FHIT: variants seen among roughly 807,000 people sequenced by gnomAD.
FHIT encodes bis(5'-adenosyl)-triphosphatase.
FHIT carries 19 observed loss-of-function variants against 17.9 expected under a neutral mutation model. The ratio of observed to expected loss-of-function variants is 1.06; its 90% CI spans 0.74 to 1.56. The LOEUF is 1.56. Among genes scored for constraint, FHIT ranks in the 40% most tolerant of loss-of-function variants. FHIT has a pLI of 0.00. For missense variants in FHIT, 248 were observed against 189.2 expected, an observed-to-expected ratio of 1.31 and a Z score of -1.82; for synonymous variants, 81 against 69.7, an observed-to-expected ratio of 1.16 and a Z score of -0.81.
At chr3:60,683,545 C>G (rs1292925898) in intron 4 of FHIT, among the ~76,000 whole-genome samples, 4 of 151,886 alleles carry the variant, frequency 2.6e-5, no homozygotes, top group African/African-American at 4.8e-5. Flanking sequence ...TTTTATAATG[C>G]TATTGCATAC....
intron 5 of FHIT, among the ~76,000 whole-genome samples, chr3:60,301,791 G>T (rs1398127087): frequency 6.6e-6 from 1 of 152,146 alleles, no homozygotes; most frequent in African/African-American, 2.4e-5. Context: ...GGACTACAGA[G>T]TAGGGAGCAG....
intron 3 of FHIT, among the ~76,000 whole-genome samples, chr3:61,018,335 G>A (rs1169747934): frequency 6.6e-6 from 1 of 152,176 alleles, no homozygotes; most frequent in Non-Finnish European, 1.5e-5. Context: ...AAAGATGAAG[G>A]AGAATTCTAG....
chr3:60,106,898 T>C (rs1576113266), intron 5 of FHIT, among the ~76,000 whole-genome samples: 1 of 152,162 alleles, frequency 6.6e-6, no homozygotes, highest in Non-Finnish European at 1.5e-5. Flanking sequence ...TAATTTGGCA[T>C]CCCTTAGAAA....
chr3:60,122,479 A>T (rs1029822456), intron 5 of FHIT, among the ~76,000 whole-genome samples: 2 of 152,164 alleles, frequency 1.3e-5, no homozygotes, highest in African/African-American at 4.8e-5. Context: ...ACGTCTTGGA[A>T]CTCGAACAGG....
intron 7 of FHIT, among the ~76,000 whole-genome samples, chr3:59,940,095 C>G (rs1575732838): frequency 6.6e-6 from 1 of 152,138 alleles, no homozygotes; most frequent in Admixed American, 6.5e-5. Flanking sequence ...ATAGTCAACA[C>G]CTCAGAGCTT....
intron 5 of FHIT, among the ~76,000 whole-genome samples, chr3:60,405,116 A>T (rs1213010331): frequency 1.3e-5 from 2 of 152,188 alleles, no homozygotes. Flanking sequence ...GTGGAACCCC[A>T]CTTCCAAGCC....
chr3:60,768,033 G>A (rs782713460), intron 4 of FHIT, among the ~76,000 whole-genome samples: 3 of 152,146 alleles, frequency 2.0e-5, no homozygotes, highest in Non-Finnish European at 2.9e-5. Context: ...AAAAAATAAA[G>A]CCTACTTTAC....
In FHIT at chr3:60,957,449, C is replaced by T. The variant is rs566731498; in HGVS notation, c.-111+84598G>A. 3.1e-3 allele frequency among the ~76,000 whole-genome samples: 467 copies of T among 152,068 alleles called. 3 individuals are homozygous for T. The highest frequency in any genetic ancestry group is 0.011 in the African/African-American group (445 of 41,516). On this transcript the variant is annotated intron_variant, in intron 3 of 9. Coordinates refer to ENST00000492590, the MANE Select transcript of FHIT (RefSeq NM_002012.4). Reference sequence around the variant, plus strand: ...AGATGGGGTTTCACCGTGTTAGCCACGATGGTCTTGATCTCCTGACCTTGT... The same window carrying T: ...AGATGGGGTTTCACCGTGTTAGCCATGATGGTCTTGATCTCCTGACCTTGT...
intron 5 of FHIT, among the ~76,000 whole-genome samples, chr3:60,408,690 A>G (rs375066208): frequency 9.5e-4 from 144 of 152,292 alleles, no homozygotes; most frequent in Middle Eastern, 3.4e-3. Context: ...CAAGTGTATC[A>G]TTTACTTATC....
chr3:61,171,105 C>T (rs552285787), intron 2 of FHIT, among the ~76,000 whole-genome samples: 1 of 152,318 alleles, frequency 6.6e-6, no homozygotes, highest in African/African-American at 2.4e-5. Context: ...CACAACCTCA[C>T]TAGCGTCTGT....
intron 5 of FHIT, among the ~76,000 whole-genome samples, chr3:60,392,628 C>T (rs1374183612): frequency 1.3e-5 from 2 of 152,300 alleles, no homozygotes; most frequent in African/African-American, 2.4e-5. Flanking sequence ...CACAGATCAG[C>T]TGCAGACAAG....
chr3:61,081,407 T>A (rs1215627103), intron 2 of FHIT, among the ~76,000 whole-genome samples: 1 of 152,230 alleles, frequency 6.6e-6, no homozygotes, highest in East Asian at 1.9e-4. Context: ...GGTGAATTCC[T>A]GGCTGAAAGC....
chr3:61,233,387 T>C (rs1425031623), intron 1 of FHIT, among the ~76,000 whole-genome samples: 2 of 152,188 alleles, frequency 1.3e-5, no homozygotes, highest in South Asian at 2.1e-4. Flanking sequence ...TGTCAAAAAC[T>C]ACACTGTAAA....
intron 7 of FHIT, among the ~76,000 whole-genome samples, chr3:59,982,115 G>A (rs577065893): frequency 1.2e-4 from 18 of 152,236 alleles, no homozygotes; most frequent in East Asian, 3.9e-4. Context: ...AGCTCTTCGC[G>A]TTACATTAGC....
chr3:60,960,717 A>G (rs1709384744), intron 3 of FHIT, among the ~76,000 whole-genome samples: 1 of 152,226 alleles, frequency 6.6e-6, no homozygotes, highest in African/African-American at 2.4e-5. Flanking sequence ...TAGTTTGCTC[A>G]GAATGGTTTC....
At chr3:60,321,355 A>G (rs1709423715) in intron 5 of FHIT, among the ~76,000 whole-genome samples, 1 of 152,162 alleles carries the variant, frequency 6.6e-6, no homozygotes, top group African/African-American at 2.4e-5. Flanking sequence ...ATACACCTGT[A>G]GTCTCAGCTA....
At chr3:59,951,604 C>T (rs1707119566) in intron 7 of FHIT, among the ~76,000 whole-genome samples, 1 of 152,160 alleles carries the variant, frequency 6.6e-6, no homozygotes, top group African/African-American at 2.4e-5. Flanking sequence ...AAGAGATCAT[C>T]AGGCCTTGTG....
At chr3:61,129,272 C>A (rs2036698317) in intron 2 of FHIT, among the ~76,000 whole-genome samples, 1 of 152,180 alleles carries the variant, frequency 6.6e-6, no homozygotes. Flanking sequence ...AGGTTGAAAT[C>A]ATCCTAATTG....
chr3:60,467,115 CAT>C (rs2032840502), intron 5 of FHIT, among the ~76,000 whole-genome samples: 1 of 151,862 alleles, frequency 6.6e-6, no homozygotes, highest in African/African-American at 2.4e-5. Flanking sequence ...TGTCTAGAAA[CAT>C]ATCCATTTCT....
Sources: allele counts gnomAD v4.1 joint callset (sites outside exome capture counted in the v4.1 genomes callset), GRCh38; gene constraint gnomAD v4.1.1; transcripts MANE v1.5; gene names NCBI Gene and HGNC (gene_info 2026-07-23, HGNC 2026-07-21).